Variants in VPS26C observed in about 807,000 individuals in gnomAD.
The protein encoded by VPS26C is VPS26 endosomal protein sorting factor C.
In VPS26C, 19 loss-of-function variants were observed where a neutral mutation model predicts 30.6. The ratio of observed to expected loss-of-function variants is 0.62; its 90% CI spans 0.43 to 0.91. The LOEUF (loss-of-function observed/expected upper bound fraction) is 0.91. Ranked by LOEUF, VPS26C falls within the 40% of genes least tolerant of loss-of-function variation. The probability of loss-of-function intolerance (pLI) is 0.00; values close to 1 mark genes in which losing one functional copy is unlikely to be tolerated. For synonymous variants in VPS26C, 132 were observed against 151.5 expected (o/e 0.87, Z 0.95); for missense variants, 318 against 385.1 (o/e 0.83, Z 1.46).
chr21:37,259,995 T>C (rs2086288003), intron 1 of VPS26C, among the ~76,000 whole-genome samples: 1 of 152,218 alleles, frequency 6.6e-6, no homozygotes. Context: ...CTATCTCATT[T>C]AATTTTTAAA....
upstream of VPS26C, chr21:37,267,457 C>CATTCGCCCCTCG: frequency 2.1e-6 from 1 of 479,938 alleles, no homozygotes; most frequent in Non-Finnish European, 3.4e-6. Flanking sequence ...CTCCGAGGGG[C>CATTCGCCCCTCG]GAATGCCCAC....
intron 1 of VPS26C, among the ~76,000 whole-genome samples, chr21:37,263,083 G>T (rs1326658085): frequency 6.6e-6 from 1 of 151,824 alleles, no homozygotes; most frequent in Non-Finnish European, 1.5e-5. Context: ...ACATTTTAAC[G>T]TTTATATTTT....
At chr21:37,268,057 A>G (rs2086390275), upstream of VPS26C, 1 of 151,624 alleles carries the variant, frequency 6.6e-6, no homozygotes, top group Admixed American at 6.5e-5. Context: ...GCGCCGGGTG[A>G]CCTCGCTCCT....
intron 3 of VPS26C, among the ~76,000 whole-genome samples, chr21:37,235,877 ATATTT>A (rs946314121): frequency 5.6e-5 from 2 of 35,956 alleles, no homozygotes; most frequent in East Asian, 3.6e-3. Flanking sequence ...ATATATATAT[ATATTT>A]TTTTTTTTAA....
At chr21:37,238,263 C>A in intron 3 of VPS26C, 197 bp downstream of exon 3, 1 of 603,898 alleles carries the variant, frequency 1.7e-6, no homozygotes, top group Non-Finnish European at 2.7e-6. Flanking sequence ...CCTTGAGGCT[C>A]CCATCAGAAA....
chr21:37,256,521 A>G (rs2086245255), intron 1 of VPS26C, among the ~76,000 whole-genome samples: 1 of 152,228 alleles, frequency 6.6e-6, no homozygotes. Context: ...AACGATGTTC[A>G]TTTTATTGAC....
chr21:37,259,713 C>T (rs1162516905), intron 1 of VPS26C, among the ~76,000 whole-genome samples: 1 of 152,120 alleles, frequency 6.6e-6, no homozygotes, highest in Non-Finnish European at 1.5e-5. Context: ...CGGCCAAAAT[C>T]GCCGTCACCT....
In VPS26C at chr21:37,224,341, G is replaced by A. The variant is rs923000232; in HGVS notation, c.*1203C>T. ...GAGTCTAGGAGTTCAAGACCAGCCT[G>A]GGCAACATAGGGAGACCCTGTCTAC... is the stretch of plus-strand genomic sequence containing the variant. On this transcript the variant is annotated 3_prime_UTR_variant, in exon 8 of 8. Coordinates refer to ENST00000309117, the MANE Select transcript of VPS26C (RefSeq NM_006052.2). The A allele has an allele frequency of 6.6e-6, 1 of 152,174 alleles. No homozygotes were observed. The highest frequency in any genetic ancestry group is 2.4e-5 in the African/African-American group (1 of 41,396). The allele number at this position is 152,174 out of a possible 1,614,324, so 9.4% of individuals were successfully genotyped here.
intron 1 of VPS26C, among the ~76,000 whole-genome samples, chr21:37,258,070 A>G (rs2086262882): frequency 6.6e-6 from 1 of 152,218 alleles, no homozygotes; most frequent in Admixed American, 6.5e-5. Flanking sequence ...GGTTGCTCAC[A>G]TAACCCCATA....
intron 1 of VPS26C, among the ~76,000 whole-genome samples, chr21:37,266,580 G>T (rs568144394): frequency 6.6e-6 from 1 of 152,272 alleles, no homozygotes; most frequent in East Asian, 1.9e-4. Flanking sequence ...TTGCAAATAA[G>T]GACACTGAGG....
chr21:37,244,862 G>A (rs151246557), intron 1 of VPS26C, among the ~76,000 whole-genome samples: 11 of 152,284 alleles, frequency 7.2e-5, no homozygotes, highest in Admixed American at 2.0e-4. Flanking sequence ...GAAAGTGAGG[G>A]TACACCTGGG....
intron 1 of VPS26C, among the ~76,000 whole-genome samples, chr21:37,253,454 A>T (rs1393284889): frequency 1.3e-5 from 2 of 152,238 alleles, no homozygotes; most frequent in Non-Finnish European, 2.9e-5. Flanking sequence ...GACAAAAAGC[A>T]TACTGTCCAA....
At chr21:37,264,425 G>A (rs2086338165) in intron 1 of VPS26C, among the ~76,000 whole-genome samples, 1 of 152,130 alleles carries the variant, frequency 6.6e-6, no homozygotes, top group Non-Finnish European at 1.5e-5. Context: ...TTCTGCTGGG[G>A]CAACTTTACC....
intron 3 of VPS26C, among the ~76,000 whole-genome samples, chr21:37,236,635 G>T (rs1450594369): frequency 6.6e-6 from 1 of 152,188 alleles, no homozygotes; most frequent in African/African-American, 2.4e-5. Context: ...AAATTTTTAG[G>T]TGAACAAAGA....
chr21:37,257,896 G>A lies in VPS26C; in HGVS notation c.57+9342C>T, dbSNP rs1185133706. Reference sequence around the variant, plus strand: ...CCGGGTGGGGCACCAAGCGGGGAGCGGGGCCACGAGGCAGGGGACAGTGAA... The same window carrying A: ...CCGGGTGGGGCACCAAGCGGGGAGCAGGGCCACGAGGCAGGGGACAGTGAA... On this transcript the variant is annotated intron_variant, in intron 1 of 7. Transcript: ENST00000309117. The surrounding 1 kb of genome is among the most constrained non-coding windows in gnomAD (Gnocchi z 4.2). Among the ~76,000 whole-genome samples the A allele has an allele frequency of 1.3e-5, 2 of 152,204 alleles. No homozygotes were observed. The highest frequency in any genetic ancestry group is 2.4e-5 in the African/African-American group (1 of 41,444).
At chr21:37,267,641 G>A (rs2148317036), upstream of VPS26C, 1 of 315,310 alleles carries the variant, frequency 3.2e-6, no homozygotes, top group South Asian at 4.3e-5. Flanking sequence ...AGGGAGGGAG[G>A]AACGGCTCTC....
chr21:37,256,319 T>C (rs2086243112), intron 1 of VPS26C, among the ~76,000 whole-genome samples: 1 of 152,204 alleles, frequency 6.6e-6, no homozygotes, highest in Non-Finnish European at 1.5e-5. Context: ...AGCAGCCACT[T>C]TGGGATGTGA....
intron 1 of VPS26C, among the ~76,000 whole-genome samples, chr21:37,249,757 A>AT (rs1245341618): frequency 6.6e-6 from 1 of 152,216 alleles, no homozygotes; most frequent in Non-Finnish European, 1.5e-5. Flanking sequence ...TGAAGTTTAT[A>AT]TGCAATGATA....
Position 37,226,477 on chromosome 21 carries a change from CACT to C in VPS26C, c.812-854_812-852del, listed in dbSNP as rs973661532. The C allele has an allele frequency of 1.1e-3, 173 of 152,476 alleles. No individual in the cohort carries two copies. Among genetic ancestry groups the C allele is most frequent in the African/African-American group, 3.9e-3 (161 of 41,588 alleles). The allele number at this position is 152,476 out of a possible 1,614,324, so 9.4% of individuals were successfully genotyped here. On this transcript the variant is annotated intron_variant, in intron 7 of 7. Coordinates refer to ENST00000309117, the MANE Select transcript of VPS26C (RefSeq NM_006052.2). This position sits in a 1 kb window ranked among gnomAD's most constrained non-coding sequence, Gnocchi z 4.1. ...GGCCTGTCCTTCCTCACTTTATTGT[CACT>C]ACATTAGAGTCCTCTGGGCACTTCC... is the stretch of plus-strand genomic sequence containing the variant.
Sources: gnomAD v4.1 joint callset for allele counts (sites outside exome capture counted in the v4.1 genomes callset) on GRCh38, gnomAD v4.1.1 for gene constraint, Gnocchi (gnomAD v3.1) non-coding constraint, MANE v1.5 for transcripts, NCBI Gene and HGNC (gene_info 2026-07-23, HGNC 2026-07-21) for gene names.